EPHA5: variants seen among roughly 807,000 people sequenced by gnomAD.
The protein encoded by EPHA5 is ephrin type-A receptor 5.
Under a neutral mutation model 105.0 loss-of-function variants are expected in EPHA5, and 60 were observed. That is an observed-to-expected ratio of 0.57 (90% CI 0.46 to 0.71). The LOEUF is 0.71. Ranked by LOEUF, EPHA5 falls within the 30% of genes least tolerant of loss-of-function variation. EPHA5 has a pLI of 0.00. For missense variants in EPHA5, 1,218 were observed against 1,274.7 expected (o/e 0.96, Z 0.68); for synonymous variants, 513 against 449.1 (o/e 1.14, Z -1.80).
At chr4:65,363,141 C>G (rs1717498573) in intron 11 of EPHA5, among the ~76,000 whole-genome samples, 2 of 151,372 alleles carry the variant, frequency 1.3e-5, no homozygotes, top group South Asian at 2.1e-4. Context: ...ATATAAGGTA[C>G]TTTAAAATGG....
At chr4:65,383,395 A>G (rs544606093) in intron 8 of EPHA5, among the ~76,000 whole-genome samples, 4 of 151,774 alleles carry the variant, frequency 2.6e-5, no homozygotes, top group East Asian at 1.9e-4. Flanking sequence ...AGTTATGTTC[A>G]CTCCTAAAAA....
chr4:65,335,000 CAG>C (rs1171263280), intron 15 of EPHA5, among the ~76,000 whole-genome samples: 2 of 152,072 alleles, frequency 1.3e-5, no homozygotes, highest in East Asian at 3.9e-4. Flanking sequence ...GATGCTTGAA[CAG>C]AGTTTGAAGA....
chr4:65,346,153 C>G lies in EPHA5; in HGVS notation c.2595+1901G>C, dbSNP rs1471551192. Among the ~76,000 whole-genome samples the G allele has an allele frequency of 2.6e-5, 4 of 151,392 alleles. No homozygotes were observed. The East Asian group carries it at 7.8e-4, about 29-fold the overall frequency. On this transcript the variant is annotated intron_variant, in intron 14 of 16. Coordinates refer to ENST00000613740, the MANE Select transcript of EPHA5 (RefSeq NM_001281766.3). ...AACATTTTTTCATACATTTATTGGC[C>G]ATCTGCATTCCATCCAATGTATCTT... is the stretch of plus-strand genomic sequence containing the variant.
At chr4:65,591,594 T>TTTTAA (rs1186396938) in intron 3 of EPHA5, among the ~76,000 whole-genome samples, 3,812 of 151,836 alleles carry the variant, frequency 0.025, 165 homozygotes, top group African/African-American at 0.086. Context: ...CCTACATTAA[T>TTTTAA]TTTAATTTTA....
intron 11 of EPHA5, among the ~76,000 whole-genome samples, chr4:65,355,291 C>T (rs150072467): frequency 6.6e-6 from 1 of 151,470 alleles, no homozygotes; most frequent in Non-Finnish European, 1.5e-5. Context: ...AGTGAAATTT[C>T]TTAGTAGAAA....
chr4:65,554,145 G>A (rs1186730008), intron 3 of EPHA5, among the ~76,000 whole-genome samples: 2 of 149,702 alleles, frequency 1.3e-5, no homozygotes, highest in Non-Finnish European at 3.0e-5. Context: ...AAGAGTCCAA[G>A]CAAGTAAGGA....
At chr4:65,509,720 G>A (rs960363694) in intron 3 of EPHA5, among the ~76,000 whole-genome samples, 6 of 152,106 alleles carry the variant, frequency 3.9e-5, no homozygotes, top group African/African-American at 1.4e-4. Flanking sequence ...CATTAATAAA[G>A]CAAACTAACA....
chr4:65,374,420 A>G (rs1718786937), intron 8 of EPHA5, among the ~76,000 whole-genome samples: 1 of 151,986 alleles, frequency 6.6e-6, no homozygotes, highest in Non-Finnish European at 1.5e-5. Flanking sequence ...ATGTAATTAC[A>G]AATATCATCT....
intron 2 of EPHA5, among the ~76,000 whole-genome samples, chr4:65,641,574 A>C (rs1309831067): frequency 6.6e-6 from 1 of 152,170 alleles, no homozygotes; most frequent in Non-Finnish European, 1.5e-5. Flanking sequence ...TACCTTGAAC[A>C]TTCATTTTCC....
intron 3 of EPHA5, among the ~76,000 whole-genome samples, chr4:65,518,294 T>A (rs1734301363): frequency 6.6e-6 from 1 of 151,996 alleles, no homozygotes; most frequent in African/African-American, 2.4e-5. Flanking sequence ...ATTAAGATGA[T>A]TTTAAGATGT....
Position 65,669,897 on chromosome 4 carries a change from G to C in EPHA5, c.-155C>G. The C allele has an allele frequency of 8.8e-7, 1 of 1,140,516 alleles. No individual in the cohort carries two copies. Among genetic ancestry groups the C allele is most frequent in the Non-Finnish European group, 1.1e-6 (1 of 905,322 alleles). The allele number at this position is 1,140,516 out of a possible 1,614,324, so 70.6% of individuals were successfully genotyped here. On this transcript the variant is annotated 5_prime_UTR_variant, in exon 1 of 17. It adds an upstream start codon to the 5' untranslated region. Coordinates refer to ENST00000613740, the MANE Select transcript of EPHA5 (RefSeq NM_001281766.3). ...GGCTCCTCCAAATGTAGGAACCACGGATCCGGCTGAGACAGCTGAAGTTTG... is the reference window on the plus strand; with the variant it reads ...GGCTCCTCCAAATGTAGGAACCACGCATCCGGCTGAGACAGCTGAAGTTTG...
At chr4:65,416,674 T>C (rs1004011570) in intron 6 of EPHA5, among the ~76,000 whole-genome samples, 2 of 152,186 alleles carry the variant, frequency 1.3e-5, no homozygotes, top group African/African-American at 2.4e-5. Flanking sequence ...TTGCAGAACA[T>C]TCTGTCTGAT....
rs767535217 is a variant in EPHA5 at position 65,332,140 on chromosome 4, A to G, written c.2790-12T>C. On this transcript the variant is annotated splice_polypyrimidine_tract_variant and intron_variant, in intron 15 of 16. Transcript: ENST00000613740. ...ATAAATTAGATACTCTAAAACACAT[A>G]AAACATAAATATTAAAAGTTACAAT... The G allele has an allele frequency of 1.9e-6, 3 of 1,564,820 alleles. No homozygotes were observed. Among genetic ancestry groups the G allele is most frequent in the Non-Finnish European group, 2.6e-6 (3 of 1,159,350 alleles).
chr4:65,543,453 C>A (rs1737047073), intron 3 of EPHA5, among the ~76,000 whole-genome samples: 1 of 151,520 alleles, frequency 6.6e-6, no homozygotes, highest in African/African-American at 2.4e-5. Context: ...AGCCAAATCA[C>A]AAAGTAACTC....
At chr4:65,587,419 T>TA (rs1292354974) in intron 3 of EPHA5, among the ~76,000 whole-genome samples, 5 of 152,034 alleles carry the variant, frequency 3.3e-5, no homozygotes, top group South Asian at 2.1e-4. Flanking sequence ...AAACATGTTT[T>TA]AAAAAAATCC....
intron 10 of EPHA5, among the ~76,000 whole-genome samples, chr4:65,365,677 A>ATT (rs1717824785): frequency 8.0e-6 from 1 of 125,212 alleles, no homozygotes; most frequent in Non-Finnish European, 1.8e-5. Context: ...ATATATATAT[A>ATT]TATATATATA....
chr4:65,603,265 T>C (rs1400518693), intron 2 of EPHA5, among the ~76,000 whole-genome samples: 2 of 152,112 alleles, frequency 1.3e-5, no homozygotes, highest in African/African-American at 4.8e-5. Context: ...ACCATAACCA[T>C]TTCCTGAACG....
intron 2 of EPHA5, among the ~76,000 whole-genome samples, chr4:65,612,041 GAAAGAAAAGAAAAGA>G (rs35758516): frequency 1.8e-4 from 22 of 119,574 alleles, no homozygotes; most frequent in African/African-American, 5.8e-4. Flanking sequence ...AAAAAAAAAG[GAAAGAAAAGAAAAGA>G]AAAGAAAAGA....
rs781153613 is a variant in EPHA5 at position 65,495,497 on chromosome 4, G to T, written c.957C>A (p.Cys319Ter). ...TATAACTGTGAGGTGGACATTTGCC[G>T]CAGCTCTGGATGTGAGGTGAGGCTT... ...FFKASPHIQS[C>*]GKCPPHSYTH... Residue 319 changes from cysteine to a stop codon, truncating the protein, a stop_gained, in exon 4 of 17, where the codon TGC becomes TGA. Coordinates refer to ENST00000613740, the MANE Select transcript of EPHA5 (RefSeq NM_001281766.3). LOFTEE classifies it high-confidence loss of function. The T allele has an allele frequency of 6.2e-7, 1 of 1,613,648 alleles. No homozygotes were observed. Among genetic ancestry groups the T allele is most frequent in the Non-Finnish European group, 8.5e-7 (1 of 1,179,670 alleles).
Sources: allele counts gnomAD v4.1 joint callset (sites outside exome capture counted in the v4.1 genomes callset), GRCh38; gene constraint gnomAD v4.1.1; transcripts MANE v1.5; gene names NCBI Gene and HGNC (gene_info 2026-07-23, HGNC 2026-07-21).